Variants in UMAD1 observed in about 807,000 individuals in gnomAD.
UMAD1 encodes UBAP1-MVB12-associated (UMA)-domain containing protein 1.
In UMAD1, 8 loss-of-function variants were observed where a neutral mutation model predicts 6.1. The ratio of observed to expected loss-of-function variants is 1.30; its 90% confidence interval spans 0.76 to 2.35. The LOEUF (loss-of-function observed/expected upper bound fraction) is 2.35. Ranked by LOEUF, UMAD1 falls within the 30% of genes most tolerant of loss-of-function variation. The pLI, the probability that UMAD1 is intolerant of heterozygous loss-of-function variation, is 0.00. For synonymous variants in UMAD1, 56 were observed against 31.4 expected (o/e 1.78, Z -2.61); for missense variants, 130 against 78.4 (o/e 1.66, Z -2.49).
intron 2 of UMAD1, among the ~76,000 whole-genome samples, chr7:7,793,972 C>T (rs1269915865): frequency 1.3e-5 from 2 of 152,072 alleles, no homozygotes; most frequent in African/African-American, 2.4e-5. Flanking sequence ...AGTTTCATCA[C>T]TGCAGAATTT....
intron 2 of UMAD1, among the ~76,000 whole-genome samples, chr7:7,800,671 A>C (rs912288033): frequency 6.6e-6 from 1 of 152,178 alleles, no homozygotes; most frequent in Non-Finnish European, 1.5e-5. Flanking sequence ...CACAATTTTC[A>C]TGAGACTTTT....
At chr7:7,649,783 A>C (rs1030463019) in intron 1 of UMAD1, among the ~76,000 whole-genome samples, 32 of 152,164 alleles carry the variant, frequency 2.1e-4, no homozygotes, top group African/African-American at 7.7e-4. Context: ...CCTAACCCCT[A>C]AGGTGATGGC....
At chr7:7,781,422 A>G (rs1263796391) in intron 2 of UMAD1, among the ~76,000 whole-genome samples, 1 of 151,916 alleles carries the variant, frequency 6.6e-6, no homozygotes, top group Middle Eastern at 3.2e-3. Context: ...TGGAAAAATC[A>G]CTGGAGATCT....
At chr7:7,716,488 G>C (rs1780907679) in intron 2 of UMAD1, among the ~76,000 whole-genome samples, 1 of 152,198 alleles carries the variant, frequency 6.6e-6, no homozygotes, top group South Asian at 2.1e-4. Flanking sequence ...TTGCACAGGT[G>C]AATGCTGGTA....
rs549645165 is a variant in UMAD1, at chr7:7,680,359, AT to A, written c.82+6909del. Among the ~76,000 whole-genome samples, 227 of 152,140 alleles carry A rather than the reference AT, an allele frequency of 1.5e-3. 2 individuals are homozygous for A. The highest frequency in any genetic ancestry group is 5.1e-3 in the African/African-American group (211 of 41,504). ...AAATGAGTTCATTGTAAATGTGTGA[AT>A]TTATTCCTGGGTTCTGTATTTGGTT... On this transcript the variant is annotated intron_variant, in intron 2 of 3. Coordinates refer to ENST00000682710, the MANE Select transcript of UMAD1 (RefSeq NM_001302348.2).
At chr7:7,826,075 G>C (rs1783335529) in intron 3 of UMAD1, among the ~76,000 whole-genome samples, 1 of 151,982 alleles carries the variant, frequency 6.6e-6, no homozygotes, top group Non-Finnish European at 1.5e-5. Context: ...TAATAATTTT[G>C]ATCAGTAGTT....
At chr7:7,765,605 G>A (rs1781969592) in intron 2 of UMAD1, among the ~76,000 whole-genome samples, 1 of 152,070 alleles carries the variant, frequency 6.6e-6, no homozygotes, top group African/African-American at 2.4e-5. Flanking sequence ...TCTGTGTCAG[G>A]GATTGAGGTA....
intron 1 of UMAD1, among the ~76,000 whole-genome samples, chr7:7,666,948 C>T (rs1467757851): frequency 1.3e-5 from 2 of 152,164 alleles, no homozygotes; most frequent in Admixed American, 6.5e-5. Flanking sequence ...GCTGGGATTG[C>T]AGGCGTGCGC....
At chr7:7,658,009 T>C (rs1431223629) in intron 1 of UMAD1, among the ~76,000 whole-genome samples, 2 of 152,166 alleles carry the variant, frequency 1.3e-5, no homozygotes, top group Admixed American at 1.3e-4. Flanking sequence ...TTATAATTCT[T>C]CTTGAAGAGG....
chr7:7,674,915 C>G lies in UMAD1; in HGVS notation c.82+1462C>G, dbSNP rs547904595. Among the ~76,000 whole-genome samples the G allele has an allele frequency of 2.0e-5, 3 of 152,236 alleles. No homozygotes were observed. In the East Asian group the frequency reaches 5.8e-4, roughly 29 times the overall value. On this transcript the variant is annotated intron_variant, in intron 2 of 3. Coordinates refer to ENST00000682710, the MANE Select transcript of UMAD1 (RefSeq NM_001302348.2). ...ATTTTTTCCAAAAAACTCTTGTTTTCCACTCTGTTATATATTCCTGATTTT... is the reference window on the plus strand; with the variant it reads ...ATTTTTTCCAAAAAACTCTTGTTTTGCACTCTGTTATATATTCCTGATTTT...
intron 3 of UMAD1, among the ~76,000 whole-genome samples, chr7:7,811,682 TA>T (rs772684395): frequency 5.3e-5 from 8 of 152,284 alleles, no homozygotes; most frequent in East Asian, 3.9e-4. Context: ...AATGCTTTGA[TA>T]GGGGAGAAAG....
chr7:7,713,338 C>T (rs780033810), intron 2 of UMAD1, among the ~76,000 whole-genome samples: 4 of 151,580 alleles, frequency 2.6e-5, no homozygotes, highest in Non-Finnish European at 5.9e-5. Context: ...AGTGAGACTC[C>T]ATCTCAAAAC....
At chr7:7,674,089 G>A (rs1033064572) in intron 2 of UMAD1, among the ~76,000 whole-genome samples, 2 of 152,150 alleles carry the variant, frequency 1.3e-5, no homozygotes, top group Non-Finnish European at 2.9e-5. Flanking sequence ...GCTCTTCCCA[G>A]AAATTCTCTT....
chr7:7,813,732 C>T (rs559690232), intron 3 of UMAD1, among the ~76,000 whole-genome samples: 16 of 152,270 alleles, frequency 1.1e-4, no homozygotes, highest in South Asian at 6.2e-4. Context: ...ATTTGTTCAT[C>T]GAGATATTCT....
intron 2 of UMAD1, among the ~76,000 whole-genome samples, chr7:7,776,167 C>G (rs901523906): frequency 3.9e-5 from 6 of 152,060 alleles, no homozygotes; most frequent in African/African-American, 1.4e-4. Context: ...CAAAACAAAA[C>G]AAGACATATG....
intron 2 of UMAD1, among the ~76,000 whole-genome samples, chr7:7,760,700 T>C (rs1420201724): frequency 1.3e-5 from 2 of 152,104 alleles, no homozygotes; most frequent in East Asian, 1.9e-4. Flanking sequence ...ACAGGACATA[T>C]GTAAGGTAGA....
intron 2 of UMAD1, among the ~76,000 whole-genome samples, chr7:7,748,926 C>T (rs935756938): frequency 5.5e-5 from 8 of 146,454 alleles, no homozygotes; most frequent in Non-Finnish European, 1.1e-4. Context: ...TCCTAATTCC[C>T]TCTTTTATCC....
At chr7:7,777,273 G>A (rs1782229077) in intron 2 of UMAD1, among the ~76,000 whole-genome samples, 1 of 151,902 alleles carries the variant, frequency 6.6e-6, no homozygotes, top group Non-Finnish European at 1.5e-5. Flanking sequence ...TTGGGTGGCT[G>A]AGGCGGGCAA....
chr7:7,701,007 G>A (rs571351726), intron 2 of UMAD1, among the ~76,000 whole-genome samples: 3 of 152,128 alleles, frequency 2.0e-5, no homozygotes, highest in African/African-American at 2.4e-5. Flanking sequence ...CTATGATCAC[G>A]GTACTACACT....
Sources: gnomAD v4.1 joint callset for allele counts (sites outside exome capture counted in the v4.1 genomes callset) on GRCh38, gnomAD v4.1.1 for gene constraint, MANE v1.5 for transcripts, NCBI Gene and HGNC (gene_info 2026-07-23, HGNC 2026-07-21) for gene names.